Variants in DPF2 observed in about 807,000 individuals in gnomAD.
DPF2 encodes double PHD fingers 2.
DPF2 carries 10 observed loss-of-function variants against 59.6 expected under a neutral mutation model. The observed-to-expected ratio is 0.17, with a 90% CI of 0.10 to 0.28. The LOEUF (loss-of-function observed/expected upper bound fraction) is 0.28, where lower values mean the gene tolerates loss of function less well. Among genes scored for constraint, DPF2 ranks in the 10% least tolerant of loss-of-function variants. The pLI, the probability that DPF2 is intolerant of heterozygous loss-of-function variation, is 1.00. For synonymous variants in DPF2, 189 were observed against 190.6 expected (o/e 0.99, Z 0.07); for missense variants, 315 against 509.4 (o/e 0.62, Z 3.67).
chr11:65,341,675 C>G (rs569929555), intron 4 of DPF2, 113 bp downstream of exon 4: 1 of 1,429,942 alleles, frequency 7.0e-7, no homozygotes, highest in South Asian at 1.3e-5. Flanking sequence ...GGAAGCAGGC[C>G]CCTGCAGTTC....
Position 65,352,631 on chromosome 11 carries a change from C to G in DPF2, c.*872C>G, listed in dbSNP as rs968116188. On this transcript the variant is annotated 3_prime_UTR_variant, in exon 11 of 11. Transcript: ENST00000528416. ...AAATCCCCTTTTTGTTCTTCCTGGA[C>G]CTGGGCATTCAGCCTCCTGCTCTTA... 7 of 152,672 alleles carry G rather than the reference C, an allele frequency of 4.6e-5. No individual in the cohort carries two copies. Among genetic ancestry groups the G allele is most frequent in the African/African-American group, 1.7e-4 (7 of 41,432 alleles). The allele number at this position is 152,672 out of a possible 1,614,324, so 9.5% of individuals were successfully genotyped here.
intron 10 of DPF2, among the ~76,000 whole-genome samples, chr11:65,351,062 C>G (rs928061538): frequency 6.6e-6 from 1 of 151,920 alleles, no homozygotes; most frequent in African/African-American, 2.4e-5. Flanking sequence ...ATTTAACACT[C>G]TGGCTCTTTA....
At chr11:65,337,469 AAAAAAATATATAT>A (rs1854203214) in intron 1 of DPF2, among the ~76,000 whole-genome samples, 1 of 57,804 alleles carries the variant, frequency 1.7e-5, no homozygotes, top group African/African-American at 6.6e-5. Context: ...AAAAAAAAAA[AAAAAAATATATAT>A]ATATATATAT....
chr11:65,353,779 T>C lies in DPF2; in HGVS notation c.*2020T>C, dbSNP rs749363707. ...AAGCCTAGGCCGGCCTGCACTGTTA[T>C]GTTCAATAAATAAGCAGGGTGCTCT... On this transcript the variant is annotated 3_prime_UTR_variant, in exon 11 of 11. Coordinates refer to ENST00000528416, the MANE Select transcript of DPF2 (RefSeq NM_006268.5). 2.6e-5 allele frequency among the ~76,000 whole-genome samples: 4 copies of C among 152,198 alleles called. No individual in the cohort carries two copies. Among genetic ancestry groups the C allele is most frequent in the Admixed American group, 1.3e-4 (2 of 15,278 alleles).
chr11:65,350,337 G>GTTTTC lies in DPF2; in HGVS notation c.1100-1334_1100-1330dup, dbSNP rs757811217. Among the ~76,000 whole-genome samples the GTTTTC allele has an allele frequency of 9.1e-5, 13 of 143,018 alleles. No homozygotes were observed. In the East Asian group the frequency reaches 2.5e-3, roughly 28 times the overall value. The allele number at this position is 143,018 out of a possible 152,430, so 93.8% of individuals were successfully genotyped here. On this transcript the variant is annotated intron_variant, in intron 10 of 10. Transcript: ENST00000528416. ...GCTTAAATAGCTTGCAAGCTGTTTT[G>GTTTTC]TTTTCTTTTCTTTTCTCTTTTTCTT...
chr11:65,352,122 C>A lies in DPF2; in HGVS notation c.*363C>A. On this transcript the variant is annotated 3_prime_UTR_variant, in exon 11 of 11. Transcript: ENST00000528416. ...GAGCAGCTCACTTCTCTGTGTTCTG[C>A]CTCCCCTCTGGTCTCCAGAGTTTTC... is the stretch of plus-strand genomic sequence containing the variant. 4.0e-6 allele frequency: 1 copy of A among 247,916 alleles called. No homozygotes were observed. The highest frequency in any genetic ancestry group is 8.0e-6 in the Non-Finnish European group (1 of 125,734). 15.4% of individuals were successfully genotyped at this position (247,916 alleles called of 1,614,324 possible).
chr11:65,341,701 C>T lies in DPF2; in HGVS notation c.465+139C>T, dbSNP rs1388023765. On this transcript the variant is annotated intron_variant, in intron 4 of 10. Transcript: ENST00000528416. ...CCTGCAGTTCTGTTCTTACTTCAGTCCCTGATTATTGTCAGGTACTGACTG... is the reference window on the plus strand; with the variant it reads ...CCTGCAGTTCTGTTCTTACTTCAGTTCCTGATTATTGTCAGGTACTGACTG... 1.0e-5 allele frequency: 12 copies of T among 1,176,460 alleles called. No individual in the cohort carries two copies. In the Admixed American group the frequency reaches 2.4e-4, roughly 24 times the overall value. The allele number at this position is 1,176,460 out of a possible 1,614,324, so 72.9% of individuals were successfully genotyped here.
intron 4 of DPF2, among the ~76,000 whole-genome samples, chr11:65,343,299 C>CGA: frequency 1.7e-5 from 1 of 58,024 alleles, no homozygotes; most frequent in South Asian, 6.7e-4. Flanking sequence ...AACTCTGTCT[C>CGA]AAAAAAAAAA....
chr11:65,343,028 G>A (rs559123064), intron 4 of DPF2, among the ~76,000 whole-genome samples: 8 of 150,036 alleles, frequency 5.3e-5, no homozygotes, highest in East Asian at 3.9e-4. Flanking sequence ...GGCCGGCCAC[G>A]GTGGCTGACG....
chr11:65,344,358 C>T (rs1284853538), intron 6 of DPF2: 6 of 614,776 alleles, frequency 9.8e-6, no homozygotes, highest in Middle Eastern at 4.3e-4. Flanking sequence ...CTGCAGGTCT[C>T]CTGGCCTCAG....
At position 65,351,931 on chromosome 11, in the gene DPF2, C is replaced by A. The variant is rs1246967659; in HGVS notation, c.*172C>A. The A allele has an allele frequency of 1.5e-6, 1 of 671,172 alleles. No homozygotes were observed. Among genetic ancestry groups the A allele is most frequent in the Non-Finnish European group, 2.5e-6 (1 of 395,664 alleles). The allele number at this position is 671,172 out of a possible 1,614,324, so 41.6% of individuals were successfully genotyped here. ...CAAGCTGAGGTGGCAGCTCTGACCA[C>A]CTCTGGCCCCAGGCCCTCAGGGAGA... On this transcript the variant is annotated 3_prime_UTR_variant, in exon 11 of 11. Coordinates refer to ENST00000528416, the MANE Select transcript of DPF2 (RefSeq NM_006268.5).
rs969170999 is a variant in DPF2, at chr11:65,353,370, G to A, written c.*1611G>A. 1 of 152,130 alleles carries A rather than the reference G, an allele frequency of 6.6e-6. No homozygotes were observed. The highest frequency in any genetic ancestry group is 1.5e-5 in the Non-Finnish European group (1 of 68,032). The allele number at this position is 152,130 out of a possible 1,614,324, so 9.4% of individuals were successfully genotyped here. ...TTGCAATCTCAGACATTTAAAACAG[G>A]ACCAGAAGTTTATATAAATATAATT... On this transcript the variant is annotated 3_prime_UTR_variant, in exon 11 of 11. Coordinates refer to ENST00000528416, the MANE Select transcript of DPF2 (RefSeq NM_006268.5).
At chr11:65,341,680 C>CA (rs1854379202) in intron 4 of DPF2, 118 bp downstream of exon 4, 8 of 1,385,042 alleles carry the variant, frequency 5.8e-6, no homozygotes, top group Non-Finnish European at 7.8e-6. Context: ...CAGGCCCCTG[C>CA]AGTTCTGTTC....
chr11:65,341,656 T>C, intron 4 of DPF2, 94 bp downstream of exon 4: 5 of 1,546,326 alleles, frequency 3.2e-6, no homozygotes, highest in Non-Finnish European at 3.5e-6. Flanking sequence ...AAACAGAAGC[T>C]GGAGTCCAGG....
intron 6 of DPF2, chr11:65,345,431 T>G: frequency 1.8e-6 from 1 of 548,762 alleles, no homozygotes; most frequent in Non-Finnish European, 3.2e-6. Context: ...AGAGCAGTGG[T>G]GGCCATGGGG....
At chr11:65,334,042 C>T in intron 1 of DPF2, 124 bp downstream of exon 1, 1 of 1,402,790 alleles carries the variant, frequency 7.1e-7, no homozygotes, top group Admixed American at 2.1e-5. Context: ...GTTGCGACTC[C>T]TGGTGGGGAG....
chr11:65,349,324 G>A (rs1315276138), intron 10 of DPF2, among the ~76,000 whole-genome samples: 1 of 152,168 alleles, frequency 6.6e-6, no homozygotes, highest in African/African-American at 2.4e-5. Flanking sequence ...TTCTGAACTG[G>A]GAAGGGACTT....
intron 10 of DPF2, 124 bp downstream of exon 10, chr11:65,349,055 C>T: frequency 9.1e-7 from 1 of 1,095,584 alleles, no homozygotes; most frequent in South Asian, 1.5e-5. Flanking sequence ...AGCACCTTGC[C>T]TTGGCTCAGT....
At chr11:65,345,566 G>A in intron 6 of DPF2, 100 bp from the exon 7 acceptor site, 1 of 1,525,106 alleles carries the variant, frequency 6.6e-7, no homozygotes, top group Admixed American at 1.8e-5. Flanking sequence ...GGAAGGGATG[G>A]TTGCCCTCTG....
Sources: allele counts gnomAD v4.1 joint callset (sites outside exome capture counted in the v4.1 genomes callset), GRCh38; gene constraint gnomAD v4.1.1; transcripts MANE v1.5; gene names NCBI Gene and HGNC (gene_info 2026-07-23, HGNC 2026-07-21).